The following PARP3 variants were observed in gnomAD, a reference collection of about 807,000 sequenced individuals.
PARP3 encodes the protein protein mono-ADP-ribosyltransferase PARP3.
Under a neutral mutation model 58.2 loss-of-function variants are expected in PARP3, and 46 were observed. That is an observed-to-expected ratio of 0.79 (90% confidence interval 0.62 to 1.01). The LOEUF (loss-of-function observed/expected upper bound fraction) is 1.01. PARP3 is among the 50% of genes least tolerant of loss of function. The pLI, the probability that PARP3 is intolerant of heterozygous loss-of-function variation, is 0.00. For synonymous variants in PARP3, 252 were observed against 266.4 expected (o/e 0.95, Z 0.53); for missense variants, 663 against 683.9 (o/e 0.97, Z 0.34).
chr3:51,947,824 C>T lies in PARP3; in HGVS notation c.1361C>T (p.Thr454Met), dbSNP rs199676447. 1.4e-5 allele frequency: 23 copies of T among 1,614,110 alleles called. No individual in the cohort carries two copies. Among genetic ancestry groups the T allele is most frequent in the East Asian group, 1.3e-4 (6 of 44,872 alleles). Residue 454 changes from threonine to methionine, a missense_variant, in exon 10 of 11, where the codon ACG (threonine) becomes ATG (methionine). This residue lies in a region of PARP3 where 88 missense variants were observed against 109.1 expected (regional missense o/e 0.81). Coordinates refer to ENST00000398755, the MANE Select transcript of PARP3 (RefSeq NM_001003931.4). ...VALGREHHINTDNPSLKSPPP... is the reference protein window; with the variant it reads ...VALGREHHINMDNPSLKSPPP... ...CTGGGCAGAGAGCACCATATCAACA[C>T]GGACAACCCCAGCTTGAAGAGCCCA...
intron 10 of PARP3, 21 bp downstream of exon 10, chr3:51,947,916 C>T (rs781738791): frequency 1.2e-6 from 2 of 1,612,642 alleles, no homozygotes; most frequent in East Asian, 4.5e-5. Context: ...AGAAGCTGTA[C>T]AGCCCAAGGA....
chr3:51,945,305 A>G (rs1699650700), intron 6 of PARP3, 81 bp downstream of exon 6: 1 of 1,463,024 alleles, frequency 6.8e-7, no homozygotes, highest in African/African-American at 1.4e-5. Context: ...GCAGGTGGCC[A>G]AGAAGGCCCA....
In PARP3 at chr3:51,943,414, G is replaced by T; in HGVS notation, c.59G>T (p.Arg20Leu). 1 of 1,604,916 alleles carries T rather than the reference G, an allele frequency of 6.2e-7. No individual in the cohort carries two copies. The change falls in exon 2 of 11, where the codon CGG (arginine) becomes CTG (leucine). Residue 20 changes from arginine (R) to leucine (L), a missense_variant. By Grantham distance (102) the Arg-to-Leu change is moderately radical. This residue lies in a region of PARP3 where 567 missense variants were observed against 553.6 expected (regional missense o/e 1.02). Coordinates refer to ENST00000398755, the MANE Select transcript of PARP3 (RefSeq NM_001003931.4). ...QTEGPEKKKG[R>L]QAGREEDPFR... ...GAGGGCCCTGAGAAGAAGAAGGGCC[G>T]GCAGGCAGGAAGGGAGGAGGACCCC... is the stretch of plus-strand genomic sequence containing the variant.
rs374551671 is a variant in PARP3 at position 51,948,417 on chromosome 3, C to T, written c.1539C>T (p.Ser513=). The T allele has an allele frequency of 1.2e-5, 19 of 1,614,044 alleles. No individual in the cohort carries two copies. In the African/African-American group the frequency reaches 1.3e-4, roughly 11 times the overall value. Residue 513 remains serine, a synonymous_variant, in exon 11 of 11, where the codon AGC becomes AGT. Coordinates refer to ENST00000398755, the MANE Select transcript of PARP3 (RefSeq NM_001003931.4). ...TCAGCAGCTCCACATTCTCCCAGAG[C>T]GAGTACCTCATCTACCAGGAGAGCC... ...PEFSSSTFSQ[S]EYLIYQESQC...
chr3:51,947,682 C>T, intron 9 of PARP3, 58 bp from the exon 10 acceptor site: 2 of 1,600,094 alleles, frequency 1.2e-6, no homozygotes, highest in Non-Finnish European at 1.7e-6. Flanking sequence ...GAGAGGGGCC[C>T]CACAGGTCAG....
Position 51,946,126 on chromosome 3 carries a change from G to A in PARP3, c.1099-40G>A, listed in dbSNP as rs372606808. The A allele has an allele frequency of 2.4e-4, 365 of 1,544,910 alleles. No homozygotes were observed. Among genetic ancestry groups the A allele is most frequent in the Middle Eastern group, 5.2e-4 (3 of 5,794 alleles). On this transcript the variant is annotated intron_variant, in intron 8 of 10. Transcript: ENST00000398755. The surrounding 1 kb of genome is among the most constrained non-coding windows in gnomAD (Gnocchi z 4.6). Reference sequence around the variant, plus strand: ...AGCAGGGCAAGGCGACTGAGTGCTCGGGTGGCATCACTCCCATTTCTCACT... The same window carrying A: ...AGCAGGGCAAGGCGACTGAGTGCTCAGGTGGCATCACTCCCATTTCTCACT...
At position 51,944,907 on chromosome 3, in the gene PARP3, C is replaced by G. The variant is rs867995336; in HGVS notation, c.631C>G (p.Leu211Val). Residue 211 changes from leucine (L) to valine (V), a missense_variant, in exon 5 of 11, where the codon CTG becomes GTG. Leu to Val is a conservative substitution (Grantham distance 32). This residue lies in a region of PARP3 where 567 missense variants were observed against 553.6 expected (regional missense o/e 1.02). Transcript: ENST00000398755. The surrounding 1 kb of genome is among the most constrained non-coding windows in gnomAD (Gnocchi z 4.2). Reference sequence around the variant, plus strand: ...CAAGAACACCATGGCCCTCATGGACCTGGGTGAGGGGTGAGAGGCAGGCAG... The same window carrying G: ...CAAGAACACCATGGCCCTCATGGACGTGGGTGAGGGGTGAGAGGCAGGCAG... ...MFKNTMALMD[L>V]DVKKMPLGKL... 4 of 1,613,868 alleles carry G rather than the reference C, an allele frequency of 2.5e-6. No individual in the cohort carries two copies. The highest frequency in any genetic ancestry group is 1.3e-5 in the African/African-American group (1 of 75,042).
chr3:51,947,793 G>T lies in PARP3; in HGVS notation c.1330G>T (p.Val444Leu), dbSNP rs1699715089. 1 of 1,614,034 alleles carries T rather than the reference G, an allele frequency of 6.2e-7. No homozygotes were observed. The highest frequency in any genetic ancestry group is 1.7e-5 in the Admixed American group (1 of 60,010). The change falls in exon 10 of 11, where the codon GTG becomes TTG. Residue 444 changes from valine to leucine, a missense_variant. Coordinates refer to ENST00000398755, the MANE Select transcript of PARP3 (RefSeq NM_001003931.4). ...TGTCGGCTACATGTTCCTGGGTGAG[G>T]TGGCCCTGGGCAGAGAGCACCATAT... ...HHVGYMFLGE[V>L]ALGREHHINT...
Position 51,948,335 on chromosome 3 carries a change from A to C in PARP3, c.1457A>C (p.Glu486Ala). 6.2e-7 allele frequency: 1 copy of C among 1,613,870 alleles called. No individual in the cohort carries two copies. The highest frequency in any genetic ancestry group is 8.5e-7 in the Non-Finnish European group (1 of 1,179,828). Residue 486 changes from glutamate to alanine, a missense_variant, in exon 11 of 11, where the codon GAG becomes GCG. Glu to Ala is a moderately radical substitution (Grantham distance 107). Around this residue, in one of 3 missense-constraint regions of PARP3, gnomAD observed 88 missense variants for 109.1 expected, o/e 0.81. Transcript: ENST00000398755. Reference sequence around the variant, plus strand: ...GATCCGACCCAGGACACTGAGTTGGAGCTGGATGGCCAGCAAGTGGTGGTG... The same window carrying C: ...GATCCGACCCAGGACACTGAGTTGGCGCTGGATGGCCAGCAAGTGGTGGTG... ...EPDPTQDTEL[E>A]LDGQQVVVPQ...
In PARP3 at chr3:51,942,660, C is replaced by A. The variant is rs1489088223; in HGVS notation, c.-51C>A. On this transcript the variant is annotated 5_prime_UTR_variant, in exon 1 of 11. Coordinates refer to ENST00000398755, the MANE Select transcript of PARP3 (RefSeq NM_001003931.4). ...GGACTGCCCTGGGAGGCGCACACAA[C>A]CAGGCCGGGTGGCAGCCAGGACCTC... The A allele has an allele frequency of 1.4e-6, 2 of 1,379,462 alleles. No individual in the cohort carries two copies. Among genetic ancestry groups the A allele is most frequent in the East Asian group, 2.4e-5 (1 of 41,144 alleles). The allele number at this position is 1,379,462 out of a possible 1,614,324, so 85.5% of individuals were successfully genotyped here. A position where few individuals can be genotyped will look rare whatever the true frequency, so the allele number is the denominator to read the frequency against.
In PARP3 at chr3:51,944,103, C is replaced by T; in HGVS notation, c.198C>T (p.Tyr66=). ...SNPGTQVYED[Y]NCTLNQTNIE... is the part of the protein sequence containing the mutation. ...CTCTGGCCCAGGTGTATGAGGACTA[C>T]AACTGCACCCTGAACCAGACCAACA... The change falls in exon 3 of 11, where the codon TAC becomes TAT. Residue 66 remains tyrosine, a synonymous_variant. Transcript: ENST00000398755. The surrounding 1 kb of genome is among the most constrained non-coding windows in gnomAD (Gnocchi z 4.2). 2 of 1,613,486 alleles carry T rather than the reference C, an allele frequency of 1.2e-6. No individual in the cohort carries two copies. Among genetic ancestry groups the T allele is most frequent in the Non-Finnish European group, 1.7e-6 (2 of 1,179,736 alleles).
Position 51,948,418 on chromosome 3 carries a change from G to A in PARP3, c.1540G>A (p.Glu514Lys), listed in dbSNP as rs762153689. 3.9e-5 allele frequency: 63 copies of A among 1,614,050 alleles called. 1 individual carries two copies. The highest frequency in any genetic ancestry group is 3.8e-4 in the South Asian group (35 of 91,086). ...CAGCAGCTCCACATTCTCCCAGAGC[G>A]AGTACCTCATCTACCAGGAGAGCCA... ...EFSSSTFSQS[E>K]YLIYQESQCR... The change falls in exon 11 of 11, where the codon GAG (glutamate) becomes AAG (lysine). Residue 514 changes from glutamate (E) to lysine (K), a missense_variant. Glu to Lys is a moderately conservative substitution (Grantham distance 56). Around this residue, in one of 3 missense-constraint regions of PARP3, gnomAD observed 88 missense variants for 109.1 expected, o/e 0.81. Coordinates refer to ENST00000398755, the MANE Select transcript of PARP3 (RefSeq NM_001003931.4).
rs1472040911 is a variant in PARP3, at chr3:51,942,522, G to A, written c.-189G>A. ...CCAGCCTCTGCTTCACCCCACTGGTGGCCAAATAGCCGATGTCTAATCCCC... is the reference window on the plus strand; with the variant it reads ...CCAGCCTCTGCTTCACCCCACTGGTAGCCAAATAGCCGATGTCTAATCCCC... On this transcript the variant is annotated 5_prime_UTR_variant, in exon 1 of 11. Transcript: ENST00000398755. 3 of 698,514 alleles carry A rather than the reference G, an allele frequency of 4.3e-6. No individual in the cohort carries two copies. In the Admixed American group the frequency reaches 6.1e-5, roughly 14 times the overall value. The allele number at this position is 698,514 out of a possible 1,614,324, so 43.3% of individuals were successfully genotyped here.
rs1410800673 is a variant in PARP3, at chr3:51,945,528, C to T, written c.895C>T (p.Gln299Ter). ...GGACATCGAGCTGGCCCAGGCCCTGCAGGCAGTCTCTGAGCAGGAGAAGAC... is the reference window on the plus strand; with the variant it reads ...GGACATCGAGCTGGCCCAGGCCCTGTAGGCAGTCTCTGAGCAGGAGAAGAC... ...LADIELAQAL[Q>*]AVSEQEKTVE... Residue 299 changes from glutamine to a stop codon, truncating the protein, a stop_gained, in exon 7 of 11, where the codon CAG (glutamine) becomes TAG (stop). Transcript: ENST00000398755. LOFTEE classifies it high-confidence loss of function. 1.9e-6 allele frequency: 3 copies of T among 1,613,696 alleles called. No homozygotes were observed. The highest frequency in any genetic ancestry group is 2.5e-6 in the Non-Finnish European group (3 of 1,179,966).
chr3:51,948,503 T>C lies in PARP3; in HGVS notation c.*23T>C. ...TGAGTGCCCGCCCTGTCCCCCGGGG[T>C]CCTGCAAGGCTGGACTGTGATCTTC... On this transcript the variant is annotated 3_prime_UTR_variant, in exon 11 of 11. Coordinates refer to ENST00000398755, the MANE Select transcript of PARP3 (RefSeq NM_001003931.4). 1 of 1,610,036 alleles carries C rather than the reference T, an allele frequency of 6.2e-7. No individual in the cohort carries two copies. Among genetic ancestry groups the C allele is most frequent in the South Asian group, 1.1e-5 (1 of 90,762 alleles).
At position 51,948,473 on chromosome 3, in the gene PARP3, AC is replaced by A; in HGVS notation, c.1597del (p.Leu533SerfsTer16). 6.2e-7 allele frequency: 1 copy of A among 1,613,758 alleles called. No individual in the cohort carries two copies. Among genetic ancestry groups the A allele is most frequent in the Non-Finnish European group, 8.5e-7 (1 of 1,179,802 alleles). On this transcript the variant is annotated frameshift_variant, in exon 11 of 11. Coordinates refer to ENST00000398755, the MANE Select transcript of PARP3 (RefSeq NM_001003931.4). LOFTEE classifies it high-confidence loss of function. Reference sequence around the variant, plus strand: ...CGCCTGCGCTACCTGCTGGAGGTCCACCTCTGAGTGCCCGCCCTGTCCCCCG... The same window carrying A: ...CGCCTGCGCTACCTGCTGGAGGTCCACTCTGAGTGCCCGCCCTGTCCCCCG... ...QCRLRYLLEVHL is the reference protein window; with the variant it reads ...QCRLRYLLEVXL
chr3:51,943,577 C>A, intron 2 of PARP3, 39 bp downstream of exon 2: 1 of 1,565,602 alleles, frequency 6.4e-7, no homozygotes. Flanking sequence ...AGCCTGCCCA[C>A]TGATAAGCAC....
rs1699627906 is a variant in PARP3, at chr3:51,944,625, A to G, written c.501+47A>G. The G allele has an allele frequency of 6.3e-7, 1 of 1,598,954 alleles. No individual in the cohort carries two copies. On this transcript the variant is annotated intron_variant, in intron 4 of 10. Coordinates refer to ENST00000398755, the MANE Select transcript of PARP3 (RefSeq NM_001003931.4). The surrounding 1 kb of genome is among the most constrained non-coding windows in gnomAD (Gnocchi z 4.2). ...GGCAGGCCCTGGACTGAGGGAGGGG[A>G]CTCGTTGGAGAGTTCCCGCTGGTTG...
Position 51,945,642 on chromosome 3 carries a change from A to C in PARP3, c.1009A>C (p.Lys337Gln), listed in dbSNP as rs1699659606. 6.2e-7 allele frequency: 1 copy of C among 1,613,664 alleles called. No homozygotes were observed. The highest frequency in any genetic ancestry group is 1.7e-5 in the Admixed American group (1 of 59,998). Residue 337 changes from lysine to glutamine, a missense_variant and splice_region_variant, in exon 7 of 11, where the codon AAG becomes CAG. Physicochemically the swap from Lys to Gln is moderately conservative, Grantham distance 53. Around this residue, in one of 3 missense-constraint regions of PARP3, gnomAD observed 567 missense variants for 553.6 expected, o/e 1.02. Coordinates refer to ENST00000398755, the MANE Select transcript of PARP3 (RefSeq NM_001003931.4). Reference protein sequence around the residue: ...QLLDSGAPEYKVIQTYLEQTG... With the variant: ...QLLDSGAPEYQVIQTYLEQTG... ...GCTAGACTCTGGAGCACCTGAGTAC[A>C]AGGTGAGTTGGGCCCCACAGAGGGG...
Sources: allele counts gnomAD v4.1 joint callset, GRCh38; gene constraint gnomAD v4.1.1; regional missense constraint gnomAD v4.1.1; non-coding constraint Gnocchi (gnomAD v3.1); transcripts MANE v1.5; gene names NCBI Gene and HGNC (gene_info 2026-07-23, HGNC 2026-07-21).